The following RAPGEF4 variants were observed in gnomAD, a reference collection of about 807,000 sequenced individuals.
RAPGEF4 encodes RAP guanine-nucleotide-exchange factor (GEF) 4.
A neutral mutation model predicts 147.9 loss-of-function variants in RAPGEF4; 66 were observed. The ratio of observed to expected loss-of-function variants is 0.45; its 90% CI spans 0.37 to 0.55. The LOEUF (loss-of-function observed/expected upper bound fraction) is 0.55, where lower values mean the gene tolerates loss of function less well. RAPGEF4 is among the 20% of genes least tolerant of loss of function. The pLI is 0.00. For missense variants in RAPGEF4, 1,071 were observed against 1,257.3 expected (o/e 0.85, Z 2.24); for synonymous variants, 419 against 442.7 (o/e 0.95, Z 0.67).
intron 4 of RAPGEF4, among the ~76,000 whole-genome samples, chr2:172,908,115 T>C (rs1699790846): frequency 1.3e-5 from 2 of 152,252 alleles, no homozygotes; most frequent in African/African-American, 4.8e-5. Flanking sequence ...AGGAAATCAA[T>C]ACATAATGCC....
intron 6 of RAPGEF4, among the ~76,000 whole-genome samples, chr2:172,946,262 CAG>C (rs950494643): frequency 2.6e-5 from 4 of 152,190 alleles, no homozygotes; most frequent in Admixed American, 6.5e-5. Context: ...CACTTAGAAA[CAG>C]GGGCTGAATA....
In RAPGEF4 at chr2:172,784,513, T is replaced by TAA. The variant is rs368318278; in HGVS notation, c.66-10496_66-10495dup. Among the ~76,000 whole-genome samples, 127 of 133,008 alleles carry TAA rather than the reference T, an allele frequency of 9.5e-4. No individual in the cohort carries two copies. In the Middle Eastern group the frequency reaches 0.015, roughly 16 times the overall value. 87.3% of individuals were successfully genotyped at this position (133,008 alleles called of 152,430 possible). A position where few individuals can be genotyped will look rare whatever the true frequency, so the allele number is the denominator to read the frequency against. ...AGCCTGGGCAACAGAGCGAAACTCT[T>TAA]AAAAAAAAAAAAAAAAAGATCCCTG... On this transcript the variant is annotated intron_variant, in intron 1 of 30. Transcript: ENST00000397081.
intron 1 of RAPGEF4, among the ~76,000 whole-genome samples, chr2:172,747,808 C>A (rs558140778): frequency 6.6e-6 from 1 of 152,248 alleles, no homozygotes; most frequent in South Asian, 2.1e-4. Context: ...ACCCCTTGAC[C>A]AATATCTCCC....
chr2:173,005,742 C>T (rs940880183), intron 17 of RAPGEF4, among the ~76,000 whole-genome samples: 4 of 151,944 alleles, frequency 2.6e-5, no homozygotes, highest in Non-Finnish European at 4.4e-5. Flanking sequence ...AGGATGGCCT[C>T]GACCTCTTGA....
intron 1 of RAPGEF4, among the ~76,000 whole-genome samples, chr2:172,792,280 A>C (rs1685903594): frequency 2.0e-5 from 3 of 152,204 alleles, no homozygotes. Flanking sequence ...ATACCACCTT[A>C]TTAACTGCTG....
chr2:173,007,063 C>T (rs567262573), intron 17 of RAPGEF4, among the ~76,000 whole-genome samples: 2 of 152,288 alleles, frequency 1.3e-5, no homozygotes, highest in South Asian at 2.1e-4. Flanking sequence ...CTCATATCAA[C>T]ACTATGTACT....
chr2:172,889,952 T>C, intron 4 of RAPGEF4: 1 of 439,342 alleles, frequency 2.3e-6, no homozygotes, highest in Non-Finnish European at 3.0e-6. Flanking sequence ...GTGCTGGGTT[T>C]ATTTCTGTAG....
At chr2:172,981,304 C>T (rs1033363766) in intron 10 of RAPGEF4, among the ~76,000 whole-genome samples, 7 of 152,186 alleles carry the variant, frequency 4.6e-5, no homozygotes, top group Admixed American at 3.3e-4. Flanking sequence ...TTGAGACTTT[C>T]GCATTAGCTG....
At chr2:173,016,112 A>G (rs1695487457) in intron 18 of RAPGEF4, among the ~76,000 whole-genome samples, 1 of 152,128 alleles carries the variant, frequency 6.6e-6, no homozygotes, top group African/African-American at 2.4e-5. Context: ...CATTCATTTC[A>G]TTTCTGATAT....
At chr2:172,978,924 A>G (rs1002632347) in intron 10 of RAPGEF4, among the ~76,000 whole-genome samples, 5 of 152,228 alleles carry the variant, frequency 3.3e-5, no homozygotes, top group Non-Finnish European at 7.3e-5. Context: ...GGCTAAAATG[A>G]AGAGATTAGC....
At chr2:172,784,347 T>C (rs1684979139) in intron 1 of RAPGEF4, among the ~76,000 whole-genome samples, 1 of 151,860 alleles carries the variant, frequency 6.6e-6, no homozygotes, top group Admixed American at 6.6e-5. Context: ...TGAAACCCCA[T>C]CTCCACTAAA....
chr2:173,022,729 A>G (rs1696231402), intron 23 of RAPGEF4, among the ~76,000 whole-genome samples: 1 of 152,230 alleles, frequency 6.6e-6, no homozygotes, highest in Non-Finnish European at 1.5e-5. Flanking sequence ...CTGGAATAGA[A>G]CAAGTCTTAG....
At chr2:172,856,511 A>G (rs915099718) in intron 4 of RAPGEF4, among the ~76,000 whole-genome samples, 1 of 152,142 alleles carries the variant, frequency 6.6e-6, no homozygotes, top group African/African-American at 2.4e-5. Flanking sequence ...GGACATTGTG[A>G]GTGATATATT....
chr2:172,802,756 G>A (rs1379033472), intron 3 of RAPGEF4, among the ~76,000 whole-genome samples: 5 of 152,282 alleles, frequency 3.3e-5, no homozygotes, highest in South Asian at 2.1e-4. Flanking sequence ...TTCTGCCTAT[G>A]AGCATGTAAA....
chr2:172,882,984 C>G (rs2676527), intron 4 of RAPGEF4, among the ~76,000 whole-genome samples: 147,405 of 152,228 alleles, frequency 0.97, 71,530 homozygotes, highest in East Asian at 1. Flanking sequence ...TAAATTTGTT[C>G]ATTTCCAATT....
chr2:172,889,790 A>C, intron 4 of RAPGEF4: 1 of 973,010 alleles, frequency 1.0e-6, no homozygotes, highest in Non-Finnish European at 1.2e-6. Flanking sequence ...ATATTTTGTA[A>C]GATTCTAGTC....
chr2:172,881,543 T>C (rs137926546), intron 4 of RAPGEF4, among the ~76,000 whole-genome samples: 281 of 152,370 alleles, frequency 1.8e-3, no homozygotes, highest in African/African-American at 6.6e-3. Flanking sequence ...TTTTAGCACT[T>C]CCTCGGATAG....
chr2:172,921,366 G>A (rs1051863579), intron 5 of RAPGEF4, among the ~76,000 whole-genome samples: 1 of 152,164 alleles, frequency 6.6e-6, no homozygotes, highest in African/African-American at 2.4e-5. Flanking sequence ...GGGACTACAG[G>A]TGTGAGCCAC....
At chr2:172,841,818 TAC>T (rs1324173063) in intron 4 of RAPGEF4, among the ~76,000 whole-genome samples, 2 of 109,884 alleles carry the variant, frequency 1.8e-5, no homozygotes, top group Non-Finnish European at 3.7e-5. Context: ...ACACACACAC[TAC>T]ACACACACTA....
Sources: allele counts gnomAD v4.1 joint callset (sites outside exome capture counted in the v4.1 genomes callset), GRCh38; gene constraint gnomAD v4.1.1; transcripts MANE v1.5; gene names NCBI Gene and HGNC (gene_info 2026-07-23, HGNC 2026-07-21).